The following ZC3H7A variants were observed in gnomAD, a reference collection of about 807,000 sequenced individuals.
The protein encoded by ZC3H7A is zinc finger CCCH-type containing 7A.
In ZC3H7A, 44 loss-of-function variants were observed where a neutral mutation model predicts 125.5. The observed-to-expected ratio is 0.35, with a 90% CI of 0.28 to 0.45. ZC3H7A has a LOEUF of 0.45. Ranked by LOEUF, ZC3H7A falls within the 20% of genes least tolerant of loss-of-function variation. The pLI is 1.00. For synonymous variants in ZC3H7A, 399 were observed against 391.2 expected, an observed-to-expected ratio of 1.02 and a Z score of -0.23; for missense variants, 977 against 1,170.7, an observed-to-expected ratio of 0.83 and a Z score of 2.41.
At chr16:11,785,791 T>C (rs1248188879) in intron 1 of ZC3H7A, among the ~76,000 whole-genome samples, 1 of 152,148 alleles carries the variant, frequency 6.6e-6, no homozygotes, top group Non-Finnish European at 1.5e-5. Context: ...GGCTACTTTT[T>C]TGTATTTTTA....
chr16:11,767,803 A>C (rs180842298), intron 12 of ZC3H7A, among the ~76,000 whole-genome samples: 183 of 152,344 alleles, frequency 1.2e-3, no homozygotes, highest in African/African-American at 3.9e-3. Flanking sequence ...CTGCCAAAAA[A>C]AAATACCCTT....
rs780680166 is a variant in ZC3H7A, at chr16:11,770,890, C to T, written c.1001G>A (p.Arg334Lys). Residue 334 changes from arginine (R) to lysine (K), a missense_variant, in exon 10 of 23, where the codon AGG (arginine) becomes AAG (lysine). By Grantham distance (26) the Arg-to-Lys change is conservative (BLOSUM62 2). Around this residue, in one of 3 missense-constraint regions of ZC3H7A, gnomAD observed 342 missense variants for 311.3 expected, o/e 1.10. Transcript: ENST00000355758. ...SLLGTLPIGARYAPPPSFSEF... is the reference protein window; with the variant it reads ...SLLGTLPIGAKYAPPPSFSEF... ...TGAGAAGGAGGGTGGAGGAGCATACCTCGCACCAATGGGTAAGGTTCCTAA... is the reference window on the plus strand; with the variant it reads ...TGAGAAGGAGGGTGGAGGAGCATACTTCGCACCAATGGGTAAGGTTCCTAA... 2 of 1,614,112 alleles carry T rather than the reference C, an allele frequency of 1.2e-6. No individual in the cohort carries two copies. The highest frequency in any genetic ancestry group is 1.7e-6 in the Non-Finnish European group (2 of 1,180,024).
At chr16:11,752,943 T>G (rs1166481246) in intron 21 of ZC3H7A, 111 bp from the exon 22 acceptor site, 1 of 1,376,846 alleles carries the variant, frequency 7.3e-7, no homozygotes, top group East Asian at 2.3e-5. Flanking sequence ...AAACTCAGGT[T>G]AGAAATAGGG....
intron 9 of ZC3H7A, among the ~76,000 whole-genome samples, chr16:11,772,577 G>A (rs530719802): frequency 6.6e-6 from 1 of 151,594 alleles, no homozygotes; most frequent in East Asian, 1.9e-4. Flanking sequence ...TCAGTCTTTT[G>A]CACACTGACA....
chr16:11,753,911 A>G (rs2052592008), intron 21 of ZC3H7A: 1 of 151,882 alleles, frequency 6.6e-6, no homozygotes, highest in East Asian at 2.0e-4. Flanking sequence ...CGGCCTCCCA[A>G]ATTGCTGGGA....
chr16:11,785,875 T>C (rs1052800126), intron 1 of ZC3H7A, among the ~76,000 whole-genome samples: 3 of 152,206 alleles, frequency 2.0e-5, no homozygotes, highest in Non-Finnish European at 4.4e-5. Context: ...CACCTAGGCC[T>C]CCCAAAGTGC....
At chr16:11,772,675 A>T (rs1596391358) in intron 9 of ZC3H7A, among the ~76,000 whole-genome samples, 1 of 149,288 alleles carries the variant, frequency 6.7e-6, no homozygotes, top group Non-Finnish European at 1.5e-5. Flanking sequence ...GATTTATTTT[A>T]CTTTATGGGA....
intron 1 of ZC3H7A, among the ~76,000 whole-genome samples, chr16:11,789,019 C>A (rs1166530076): frequency 6.6e-6 from 1 of 152,164 alleles, no homozygotes; most frequent in African/African-American, 2.4e-5. Flanking sequence ...CACATACACA[C>A]ACAGGCACGC....
At chr16:11,786,919 T>C (rs1018484671) in intron 1 of ZC3H7A, among the ~76,000 whole-genome samples, 3 of 152,206 alleles carry the variant, frequency 2.0e-5, no homozygotes, top group African/African-American at 7.2e-5. Flanking sequence ...CAGCTGCAGA[T>C]ACCTAAACAT....
intron 21 of ZC3H7A, 75 bp from the exon 22 acceptor site, chr16:11,752,907 C>A: frequency 6.5e-7 from 1 of 1,542,710 alleles, no homozygotes; most frequent in South Asian, 1.2e-5. Flanking sequence ...GGAGCCCAGG[C>A]TGGTGGGAGA....
chr16:11,793,176 G>C (rs1171073192), intron 1 of ZC3H7A, among the ~76,000 whole-genome samples: 1 of 152,216 alleles, frequency 6.6e-6, no homozygotes, highest in Non-Finnish European at 1.5e-5. Flanking sequence ...AGTGAAGGCA[G>C]TGCAGAGGTC....
intron 1 of ZC3H7A, chr16:11,796,786 G>A (rs920975538): frequency 6.6e-6 from 1 of 152,062 alleles, no homozygotes; most frequent in Non-Finnish European, 1.5e-5. Flanking sequence ...GCGATCACCA[G>A]AGCAGACAGA....
At chr16:11,761,017 T>C (rs1293235136) in intron 19 of ZC3H7A, among the ~76,000 whole-genome samples, 1 of 152,172 alleles carries the variant, frequency 6.6e-6, no homozygotes, top group African/African-American at 2.4e-5. Flanking sequence ...CAAGGCATGA[T>C]AAAAACAAAC....
Position 11,765,530 on chromosome 16 carries a change from G to A in ZC3H7A, c.1678C>T (p.Leu560Phe), listed in dbSNP as rs756271883. Residue 560 changes from leucine (L) to phenylalanine (F), a missense_variant, in exon 14 of 23, where the codon CTT becomes TTT. Coordinates refer to ENST00000355758, the MANE Select transcript of ZC3H7A (RefSeq NM_014153.4). The surrounding 1 kb of genome is among the most constrained non-coding windows in gnomAD (Gnocchi z 4.8). ...NGKINLTVFK[L>F]LQEHLGEFIF... Reference sequence around the variant, plus strand: ...AATTCCCCAAGATGCTCCTGGAGAAGTTTGAACACAGTAAGGTTAATCTTT... The same window carrying A: ...AATTCCCCAAGATGCTCCTGGAGAAATTTGAACACAGTAAGGTTAATCTTT... 7 of 1,614,034 alleles carry A rather than the reference G, an allele frequency of 4.3e-6. No homozygotes were observed. The highest frequency in any genetic ancestry group is 5.9e-6 in the Non-Finnish European group (7 of 1,179,940).
chr16:11,780,214 G>A (rs2053152987), intron 3 of ZC3H7A, among the ~76,000 whole-genome samples: 1 of 150,760 alleles, frequency 6.6e-6, no homozygotes. Context: ...TTCACCTCCT[G>A]AGTTCAAGTG....
At chr16:11,779,001 C>A (rs1012253191) in intron 4 of ZC3H7A, among the ~76,000 whole-genome samples, 165 bp downstream of exon 4, 2 of 152,098 alleles carry the variant, frequency 1.3e-5, no homozygotes, top group African/African-American at 2.4e-5. Flanking sequence ...CGTGAGCCAC[C>A]GTGCCCGGCC....
At chr16:11,795,738 C>T (rs1324901621) in intron 1 of ZC3H7A, among the ~76,000 whole-genome samples, 1 of 151,956 alleles carries the variant, frequency 6.6e-6, no homozygotes, top group South Asian at 2.1e-4. Flanking sequence ...CCGCCCGGCC[C>T]GTATATGTCA....
rs144265899 is a variant in ZC3H7A at position 11,787,861 on chromosome 16, G to A, written c.-34-5473C>T. Among the ~76,000 whole-genome samples, 477 of 151,782 alleles carry A rather than the reference G, an allele frequency of 3.1e-3. 2 individuals carry two copies. The highest frequency in any genetic ancestry group is 0.01 in the African/African-American group (430 of 41,366). On this transcript the variant is annotated intron_variant, in intron 1 of 22. Transcript: ENST00000355758. ...CTCGGAAGGCTGAGGCAGGAGAATC[G>A]TTTGAACCCAGGAGGCAGAGGTTGC...
chr16:11,794,230 C>T (rs2053397951), intron 1 of ZC3H7A, among the ~76,000 whole-genome samples: 1 of 152,248 alleles, frequency 6.6e-6, no homozygotes, highest in African/African-American at 2.4e-5. Flanking sequence ...ACACTCTCAC[C>T]TTCTTACCAA....
Sources: allele counts gnomAD v4.1 joint callset (sites outside exome capture counted in the v4.1 genomes callset), GRCh38; gene constraint gnomAD v4.1.1; regional missense constraint gnomAD v4.1.1; non-coding constraint Gnocchi (gnomAD v3.1); transcripts MANE v1.5; gene names NCBI Gene and HGNC (gene_info 2026-07-23, HGNC 2026-07-21).